PC: variants seen among roughly 807,000 people sequenced by gnomAD.
The protein encoded by PC is pyruvate carboxylase.
In PC, 46 loss-of-function variants were observed where a neutral mutation model predicts 107.8. That is an observed-to-expected ratio of 0.43 (90% CI 0.34 to 0.55). The LOEUF is 0.55. Among genes scored for constraint, PC ranks in the 20% least tolerant of loss-of-function variants. PC has a pLI of 0.04. For missense variants in PC, 1,241 were observed against 1,643.1 expected, an observed-to-expected ratio of 0.76 and a Z score of 4.23; for synonymous variants, 662 against 684.7, an observed-to-expected ratio of 0.97 and a Z score of 0.52.
chr11:66,928,529 T>G (rs1305300324), intron 3 of PC, among the ~76,000 whole-genome samples: 1 of 151,956 alleles, frequency 6.6e-6, no homozygotes, highest in Non-Finnish European at 1.5e-5. Context: ...ATTATTATTA[T>G]TATTATTATT....
chr11:66,861,819 C>T (rs1019228275), intron 12 of PC, among the ~76,000 whole-genome samples: 3 of 151,706 alleles, frequency 2.0e-5, no homozygotes, highest in African/African-American at 4.9e-5. Flanking sequence ...CCCGTGGTCA[C>T]GGTCTCTAGT....
At chr11:66,899,028 G>A (rs1947858901) in intron 3 of PC, among the ~76,000 whole-genome samples, 1 of 152,120 alleles carries the variant, frequency 6.6e-6, no homozygotes, top group Admixed American at 6.5e-5. Flanking sequence ...GCGCCACCAT[G>A]CCCGGCTAAT....
At position 66,871,706 on chromosome 11, in the gene PC, T is replaced by C; in HGVS notation, c.302A>G (p.Asp101Gly). Residue 101 changes from aspartate (D) to glycine (G), a missense_variant, in exon 5 of 23, where the codon GAC (aspartate) becomes GGC (glycine). Around this residue, in one of 2 missense-constraint regions of PC, gnomAD observed 1,143 missense variants for 1,551.9 expected, o/e 0.74. Transcript: ENST00000393960. This position sits in a 1 kb window ranked among gnomAD's most constrained non-coding sequence, Gnocchi z 7.4. Reference sequence around the variant, plus strand: ...GCTCACCTTGGCCACCTTGATGATGTCTGGGATGTGCAGGTAGGCCTGCAC... The same window carrying C: ...GCTCACCTTGGCCACCTTGATGATGCCTGGGATGTGCAGGTAGGCCTGCAC... ...APVQAYLHIP[D>G]IIKVAKENNV... The C allele has an allele frequency of 6.4e-7, 1 of 1,569,214 alleles. No individual in the cohort carries two copies. Among genetic ancestry groups the C allele is most frequent in the Non-Finnish European group, 8.6e-7 (1 of 1,157,142 alleles).
chr11:66,852,604 C>G lies in PC; in HGVS notation c.1660G>C (p.Ala554Pro). The G allele has an allele frequency of 6.2e-7, 1 of 1,614,020 alleles. No individual in the cohort carries two copies. The highest frequency in any genetic ancestry group is 8.5e-7 in the Non-Finnish European group (1 of 1,180,012). Residue 554 changes from alanine to proline, a missense_variant, in exon 15 of 23, where the codon GCT (alanine) becomes CCT (proline). Ala to Pro is a conservative substitution (Grantham distance 27). This residue lies in a region of PC where 1,143 missense variants were observed against 1,551.9 expected (regional missense o/e 0.74). Transcript: ENST00000393960. The surrounding 1 kb of genome is among the most constrained non-coding windows in gnomAD (Gnocchi z 4.7). The part of the protein sequence containing the change: ...ILLREGPEGF[A>P]RAVRNHPGLL... ...CCCGGGTGGTTCCGCACAGCTCGAG[C>G]AAAGCCCTCAGGCCCCTCTCGCAGC...
intron 3 of PC, among the ~76,000 whole-genome samples, chr11:66,885,922 C>G (rs116733052): frequency 1.4e-3 from 214 of 152,344 alleles, no homozygotes; most frequent in African/African-American, 5.1e-3. Context: ...TATACAGATC[C>G]TAACACCAGG....
intron 3 of PC, among the ~76,000 whole-genome samples, chr11:66,947,887 C>G (rs1023553939): frequency 6.8e-6 from 1 of 146,424 alleles, no homozygotes; most frequent in African/African-American, 2.5e-5. Flanking sequence ...CGCTTGAACC[C>G]GGGAGGCAGA....
intron 2 of PC, among the ~76,000 whole-genome samples, chr11:66,953,051 C>T (rs755912895): frequency 5.9e-5 from 9 of 152,234 alleles, no homozygotes; most frequent in Non-Finnish European, 1.0e-4. Flanking sequence ...AGGCAGCACA[C>T]GCACAGCAGT....
intron 3 of PC, among the ~76,000 whole-genome samples, chr11:66,874,397 C>A (rs190233417): frequency 6.6e-6 from 1 of 152,236 alleles, no homozygotes; most frequent in Non-Finnish European, 1.5e-5. Flanking sequence ...CGATCTGATT[C>A]ATTTCTTAGA....
chr11:66,930,110 T>C (rs1288215472), intron 3 of PC, among the ~76,000 whole-genome samples: 1 of 150,632 alleles, frequency 6.6e-6, no homozygotes, highest in Admixed American at 6.6e-5. Context: ...AGAAACTTGA[T>C]GTACCCTTCC....
chr11:66,849,313 T>C lies in PC; in HGVS notation c.3205A>G (p.Asn1069Asp). Residue 1069 changes from asparagine to aspartate, a missense_variant, in exon 22 of 23, where the codon AAC (asparagine) becomes GAC (aspartate). Around this residue, in one of 2 missense-constraint regions of PC, gnomAD observed 1,143 missense variants for 1,551.9 expected, o/e 0.74. Coordinates refer to ENST00000393960, the MANE Select transcript of PC (RefSeq NM_001040716.2). The stretch of plus-strand genomic sequence containing the variant: ...AAGACCTGCCTCTGGCCGGCCCGGT[T>C]CAGGTCGCTCACGGCCAGGGCTTTG... ...HIKALAVSDL[N>D]RAGQRQVFFE... 2 of 1,613,558 alleles carry C rather than the reference T, an allele frequency of 1.2e-6. No homozygotes were observed. The highest frequency in any genetic ancestry group is 1.7e-6 in the Non-Finnish European group (2 of 1,180,012).
At chr11:66,909,058 G>C (rs1447432423) in intron 3 of PC, among the ~76,000 whole-genome samples, 1 of 152,202 alleles carries the variant, frequency 6.6e-6, no homozygotes, top group Non-Finnish European at 1.5e-5. Flanking sequence ...GGATCAGCTG[G>C]AATGCCAAAG....
chr11:66,947,302 A>C (rs903546711), intron 3 of PC, among the ~76,000 whole-genome samples: 2 of 152,174 alleles, frequency 1.3e-5, no homozygotes, highest in East Asian at 1.9e-4. Context: ...AAAAAAAAAA[A>C]GCTGGGTGCG....
intron 3 of PC, among the ~76,000 whole-genome samples, chr11:66,875,275 C>T (rs1480136210): frequency 6.6e-6 from 1 of 152,108 alleles, no homozygotes; most frequent in Non-Finnish European, 1.5e-5. Flanking sequence ...AACATCTGGG[C>T]TATGACAGAC....
At position 66,878,141 on chromosome 11, in the gene PC, C is replaced by T. The variant is rs1043977159; in HGVS notation, c.1-5982G>A. Among the ~76,000 whole-genome samples, 3 of 152,144 alleles carry T rather than the reference C, an allele frequency of 2.0e-5. No individual in the cohort carries two copies. In the South Asian group the frequency reaches 6.2e-4, roughly 32 times the overall value. On this transcript the variant is annotated intron_variant, in intron 3 of 22. Transcript: ENST00000393960. Reference sequence around the variant, plus strand: ...TGTCTCCCAGGAGCCTAGCACCCTCCCCCTCCTCACCTGCTGGCCTGCCTA... The same window carrying T: ...TGTCTCCCAGGAGCCTAGCACCCTCTCCCTCCTCACCTGCTGGCCTGCCTA...
chr11:66,955,132 A>G (rs1017648765), intron 1 of PC, among the ~76,000 whole-genome samples: 3 of 152,146 alleles, frequency 2.0e-5, no homozygotes, highest in Non-Finnish European at 2.9e-5. Context: ...ACTGGTTCCC[A>G]GTTTGACCCC....
At chr11:66,918,415 G>A (rs977695104) in intron 3 of PC, among the ~76,000 whole-genome samples, 1 of 150,024 alleles carries the variant, frequency 6.7e-6, no homozygotes, top group African/African-American at 2.5e-5. Context: ...TTAAAACAGA[G>A]TCTCGCTCTA....
intron 1 of PC, among the ~76,000 whole-genome samples, chr11:66,956,011 G>A (rs1044092515): frequency 1.3e-5 from 2 of 152,030 alleles, no homozygotes; most frequent in African/African-American, 4.8e-5. Context: ...GACCTCAGGT[G>A]ATCCACCCGC....
intron 3 of PC, among the ~76,000 whole-genome samples, chr11:66,904,926 T>C (rs957734755): frequency 6.6e-6 from 1 of 152,234 alleles, no homozygotes; most frequent in Non-Finnish European, 1.5e-5. Context: ...GATTTATCCC[T>C]CTCAGCACAG....
intron 10 of PC, among the ~76,000 whole-genome samples, chr11:66,867,637 A>C (rs116262260): frequency 6.0e-4 from 91 of 152,252 alleles, no homozygotes; most frequent in African/African-American, 2.2e-3. Context: ...GTTGGAGCTC[A>C]CCCAGGCTCC....
Sources: gnomAD v4.1 joint callset for allele counts (sites outside exome capture counted in the v4.1 genomes callset) on GRCh38, gnomAD v4.1.1 for gene constraint, gnomAD v4.1.1 regional missense constraint, Gnocchi (gnomAD v3.1) non-coding constraint, MANE v1.5 for transcripts, NCBI Gene and HGNC (gene_info 2026-07-23, HGNC 2026-07-21) for gene names.